The following SCAPER variants were observed in gnomAD, a reference collection of about 807,000 sequenced individuals.
SCAPER encodes S phase cyclin A-associated protein in the endoplasmic reticulum.
SCAPER carries 98 observed loss-of-function variants against 182.2 expected under a neutral mutation model. That is an observed-to-expected ratio of 0.54 (90% CI 0.46 to 0.64). The LOEUF is 0.64. SCAPER is among the 30% of genes least tolerant of loss of function. The pLI, the probability that SCAPER is intolerant of heterozygous loss-of-function variation, is 0.00. For missense variants in SCAPER, 1,432 were observed against 1,690.0 expected, an observed-to-expected ratio of 0.85 and a Z score of 2.68; for synonymous variants, 605 against 564.6, an observed-to-expected ratio of 1.07 and a Z score of -1.01.
chr15:76,504,898 G>C lies in SCAPER; in HGVS notation c.2915C>G (p.Pro972Arg). ...TAAAACTGTGTTCACATTTGTGGCT[G>C]GGACTACTGCTTGAAGGATGTGTTC... ...ALEHILQAVV[P>R]ATNVNTVLRI... The change falls in exon 24 of 32, where the codon CCA becomes CGA. Residue 972 changes from proline to arginine, a missense_variant. Pro to Arg is a moderately radical substitution (Grantham distance 103, BLOSUM62 -2). Coordinates refer to ENST00000563290, the MANE Select transcript of SCAPER (RefSeq NM_020843.4). 1 of 1,612,208 alleles carries C rather than the reference G, an allele frequency of 6.2e-7. No individual in the cohort carries two copies. Among genetic ancestry groups the C allele is most frequent in the South Asian group, 1.1e-5 (1 of 90,536 alleles).
At chr15:76,374,101 A>G (rs1382071327) in intron 29 of SCAPER, among the ~76,000 whole-genome samples, 2 of 52 alleles carry the variant, frequency 0.038, no homozygotes, top group Non-Finnish European at 0.083. Flanking sequence ...AATCAGAAAA[A>G]TTAGAAAGCT....
chr15:76,539,271 T>C lies in SCAPER; in HGVS notation c.2839-34297A>G, dbSNP rs558564950. Among the ~76,000 whole-genome samples the C allele has an allele frequency of 6.3e-3, 953 of 152,256 alleles. 5 individuals carry two copies. Among genetic ancestry groups the C allele is most frequent in the Non-Finnish European group, 6.7e-3 (453 of 68,006 alleles). On this transcript the variant is annotated intron_variant, in intron 23 of 31. Coordinates refer to ENST00000563290, the MANE Select transcript of SCAPER (RefSeq NM_020843.4). ...ACTTACAAAAACCTCAAAGTGGAATTTGTAGACAATGTATTATAGGTACGT... is the reference window on the plus strand; with the variant it reads ...ACTTACAAAAACCTCAAAGTGGAATCTGTAGACAATGTATTATAGGTACGT...
At chr15:76,573,465 T>C (rs962292857) in intron 23 of SCAPER, among the ~76,000 whole-genome samples, 2 of 151,756 alleles carry the variant, frequency 1.3e-5, no homozygotes, top group African/African-American at 4.9e-5. Flanking sequence ...TTACTTTAAA[T>C]AGAAAATTAG....
chr15:76,814,046 T>C (rs1429244557), intron 5 of SCAPER, among the ~76,000 whole-genome samples: 9 of 152,158 alleles, frequency 5.9e-5, no homozygotes, highest in Middle Eastern at 3.4e-3. Context: ...CAGGTGCCTA[T>C]AATCCCACAT....
chr15:76,427,196 C>T (rs1268461321), intron 26 of SCAPER, among the ~76,000 whole-genome samples: 1 of 152,036 alleles, frequency 6.6e-6, no homozygotes, highest in Non-Finnish European at 1.5e-5. Context: ...CCACAATTAA[C>T]ATACCAAAAA....
chr15:76,523,108 T>A (rs2042947006), intron 23 of SCAPER, among the ~76,000 whole-genome samples: 1 of 152,190 alleles, frequency 6.6e-6, no homozygotes, highest in Admixed American at 6.5e-5. Context: ...ATGTCTTTAA[T>A]AAAAGTGGCA....
intron 26 of SCAPER, among the ~76,000 whole-genome samples, chr15:76,433,278 C>G (rs1431747045): frequency 6.6e-6 from 1 of 152,064 alleles, no homozygotes; most frequent in Non-Finnish European, 1.5e-5. Flanking sequence ...GAGATGGAGG[C>G]GGGTGGGTCA....
In SCAPER at chr15:76,765,391, G is replaced by A. The variant is rs757446905; in HGVS notation, c.1559C>T (p.Pro520Leu). 6.2e-7 allele frequency: 1 copy of A among 1,613,922 alleles called. No individual in the cohort carries two copies. The highest frequency in any genetic ancestry group is 8.5e-7 in the Non-Finnish European group (1 of 1,179,858). The change falls in exon 13 of 32, where the codon CCT (proline) becomes CTT (leucine). Residue 520 changes from proline (P) to leucine (L), a missense_variant. Around this residue, in one of 5 missense-constraint regions of SCAPER, gnomAD observed 128 missense variants for 149.9 expected, o/e 0.85. Transcript: ENST00000563290. ...ATGCATGTGAATTCCATGCCCTGGAGGTCTAGCAGGTTCTTCTTCTACAAT... is the reference window on the plus strand; with the variant it reads ...ATGCATGTGAATTCCATGCCCTGGAAGTCTAGCAGGTTCTTCTTCTACAAT... ...GDIVEEEPAR[P>L]PGHGIHMHEK...
intron 4 of SCAPER, among the ~76,000 whole-genome samples, chr15:76,845,578 T>C (rs1295160052): frequency 8.7e-5 from 13 of 149,122 alleles, no homozygotes; most frequent in Admixed American, 3.3e-4. Flanking sequence ...GTGAACAATC[T>C]GAAAAAAAAA....
intron 8 of SCAPER, among the ~76,000 whole-genome samples, chr15:76,783,968 C>T (rs184297188): frequency 9.9e-5 from 15 of 152,220 alleles, no homozygotes; most frequent in Admixed American, 2.0e-4. Context: ...CCTTTGAAAA[C>T]GGGCACAAGA....
chr15:76,876,476 T>C (rs1021062404), intron 2 of SCAPER, among the ~76,000 whole-genome samples: 4 of 151,298 alleles, frequency 2.6e-5, no homozygotes, highest in Non-Finnish European at 5.9e-5. Flanking sequence ...CATTTATACA[T>C]GTATGTATAA....
At chr15:76,348,777 G>A in intron 31 of SCAPER, 41 bp from the exon 32 acceptor site, 26 of 1,177,804 alleles carry the variant, frequency 2.2e-5, no homozygotes, top group Middle Eastern at 2.0e-4. Context: ...AATAAAAGAG[G>A]GTTAAATTCT....
chr15:76,547,619 T>C lies in SCAPER; in HGVS notation c.2838+26539A>G, dbSNP rs567973874. Among the ~76,000 whole-genome samples, 439 of 152,242 alleles carry C rather than the reference T, an allele frequency of 2.9e-3. 1 individual carries two copies. The highest frequency in any genetic ancestry group is 0.01 in the African/African-American group (421 of 41,546). ...GTTAAAAGTTCTGCTTTTTCACATATAGGTATTTAACTCACTCTGGAGTTA... is the reference window on the plus strand; with the variant it reads ...GTTAAAAGTTCTGCTTTTTCACATACAGGTATTTAACTCACTCTGGAGTTA... On this transcript the variant is annotated intron_variant, in intron 23 of 31. Transcript: ENST00000563290.
intron 21 of SCAPER, among the ~76,000 whole-genome samples, chr15:76,626,830 A>T (rs1168666034): frequency 6.6e-6 from 1 of 152,222 alleles, no homozygotes; most frequent in African/African-American, 2.4e-5. Context: ...ACGCTCTTAA[A>T]AGTCAGGTGG....
At chr15:76,533,397 T>C in intron 23 of SCAPER, among the ~76,000 whole-genome samples, 1 of 152,190 alleles carries the variant, frequency 6.6e-6, no homozygotes, top group East Asian at 1.9e-4. Flanking sequence ...CATGAATACT[T>C]ACCATTGTGT....
At chr15:76,460,493 A>T (rs283799) in intron 25 of SCAPER, among the ~76,000 whole-genome samples, 1 of 152,038 alleles carries the variant, frequency 6.6e-6, no homozygotes, top group Non-Finnish European at 1.5e-5. Context: ...GATCATGCCA[A>T]CTGCAAATGG....
intron 14 of SCAPER, among the ~76,000 whole-genome samples, chr15:76,755,534 T>C (rs1425374754): frequency 6.6e-6 from 1 of 152,192 alleles, no homozygotes; most frequent in African/African-American, 2.4e-5. Context: ...GTAATTACAA[T>C]ATAGTGGCCA....
Position 76,601,946 on chromosome 15 carries a change from C to G in SCAPER, c.2711+19818G>C, listed in dbSNP as rs1455162485. 1.7e-5 allele frequency among the ~76,000 whole-genome samples: 2 copies of G among 120,774 alleles called. 1 individual carries two copies. The highest frequency in any genetic ancestry group is 5.0e-5 in the African/African-American group (2 of 39,610). The allele number at this position is 120,774 out of a possible 152,430, so 79.2% of individuals were successfully genotyped here. A position where few individuals can be genotyped will look rare whatever the true frequency, so the allele number is the denominator to read the frequency against. On this transcript the variant is annotated intron_variant, in intron 22 of 31. Coordinates refer to ENST00000563290, the MANE Select transcript of SCAPER (RefSeq NM_020843.4). ...AGTCCTGCAGTCGGCCCCTTGGAAT[C>G]TGCAAATACGAAAAGTCAGCCCTCC...
At chr15:76,847,592 T>C (rs2151810225) in intron 4 of SCAPER, among the ~76,000 whole-genome samples, 1 of 152,260 alleles carries the variant, frequency 6.6e-6, no homozygotes, top group Middle Eastern at 3.4e-3. Flanking sequence ...CATAAATATA[T>C]ACACCCACTA....
Sources: allele counts gnomAD v4.1 joint callset (sites outside exome capture counted in the v4.1 genomes callset), GRCh38; gene constraint gnomAD v4.1.1; regional missense constraint gnomAD v4.1.1; transcripts MANE v1.5; gene names NCBI Gene and HGNC (gene_info 2026-07-23, HGNC 2026-07-21).